The following GPHN variants were observed in gnomAD, a reference collection of about 807,000 sequenced individuals.
The protein encoded by GPHN is gephyrin.
In GPHN, 17 loss-of-function variants were observed where a neutral mutation model predicts 95.5. The ratio of observed to expected loss-of-function variants is 0.18; its 90% CI spans 0.12 to 0.27. GPHN has a LOEUF of 0.27. Ranked by LOEUF, GPHN falls within the 10% of genes least tolerant of loss-of-function variation. The pLI is 1.00. For synonymous variants in GPHN, 320 were observed against 322.5 expected (o/e 0.99, Z 0.08); for missense variants, 660 against 978.1 (o/e 0.67, Z 4.34).
At chr14:67,459,774 T>C in the GPHN span, among the ~76,000 whole-genome samples, 3 of 152,224 alleles carry the variant, frequency 2.0e-5, no homozygotes, top group African/African-American at 7.2e-5. Flanking sequence ...ACAACAATTA[T>C]ATCGTTGAAG....
At chr14:67,079,611 T>G (rs929389022) in intron 11 of GPHN, among the ~76,000 whole-genome samples, 1 of 152,104 alleles carries the variant, frequency 6.6e-6, no homozygotes, top group Non-Finnish European at 1.5e-5. Flanking sequence ...ATTCCTTTGT[T>G]GTGGTGGTAA....
chr14:67,658,533 C>A, the GPHN span, among the ~76,000 whole-genome samples: 6 of 152,094 alleles, frequency 3.9e-5, no homozygotes, highest in Non-Finnish European at 5.9e-5. Context: ...GGAGGTGGAG[C>A]TTGCAGTGAG....
the GPHN span, among the ~76,000 whole-genome samples, chr14:67,264,459 G>A: frequency 4.2e-5 from 6 of 144,012 alleles, no homozygotes; most frequent in Admixed American, 2.8e-4. Flanking sequence ...GACCCATGTT[G>A]TGTTATTTTT....
the GPHN span, among the ~76,000 whole-genome samples, chr14:67,504,067 G>A: frequency 3.4e-5 from 5 of 145,692 alleles, no homozygotes; most frequent in East Asian, 2.1e-4. Context: ...AGGCTGGAGT[G>A]CAGTCGTGCG....
chr14:67,014,102 CA>C (rs570691798), intron 9 of GPHN, among the ~76,000 whole-genome samples: 9 of 150,000 alleles, frequency 6.0e-5, no homozygotes, highest in Admixed American at 1.3e-4. Flanking sequence ...ACACGCAAAA[CA>C]AAAAAAAATC....
intron 3 of GPHN, among the ~76,000 whole-genome samples, chr14:66,779,642 T>C (rs1566936983): frequency 6.6e-6 from 1 of 152,042 alleles, no homozygotes; most frequent in Non-Finnish European, 1.5e-5. Flanking sequence ...ATCAGCAAAG[T>C]CTTTCCAAGA....
intron 3 of GPHN, among the ~76,000 whole-genome samples, chr14:66,778,515 T>C (rs1379444079): frequency 1.3e-5 from 2 of 152,080 alleles, no homozygotes; most frequent in African/African-American, 2.4e-5. Context: ...GTTGTTCTTT[T>C]TCAAAAGCAA....
intron 1 of GPHN, among the ~76,000 whole-genome samples, chr14:66,522,507 C>T (rs565301188): frequency 2.0e-5 from 3 of 152,160 alleles, no homozygotes; most frequent in African/African-American, 7.2e-5. Context: ...ATTGTGGAAC[C>T]TCTTAACCTG....
At chr14:66,804,722 G>C (rs2060480982) in intron 3 of GPHN, among the ~76,000 whole-genome samples, 1 of 151,956 alleles carries the variant, frequency 6.6e-6, no homozygotes. Context: ...CCTCCTCTTT[G>C]GAATTTTATT....
chr14:67,555,833 G>A, the GPHN span: 6 of 1,613,256 alleles, frequency 3.7e-6, no homozygotes, highest in South Asian at 3.3e-5. Context: ...AGATGCAGGA[G>A]CTGGAGCAGA....
At chr14:66,985,236 T>C (rs1005343108) in intron 9 of GPHN, among the ~76,000 whole-genome samples, 1 of 152,212 alleles carries the variant, frequency 6.6e-6, no homozygotes, top group African/African-American at 2.4e-5. Flanking sequence ...AGAATGATGC[T>C]TGTCAGGACT....
the GPHN span, among the ~76,000 whole-genome samples, chr14:67,528,419 G>A: frequency 6.6e-6 from 1 of 152,176 alleles, no homozygotes; most frequent in Non-Finnish European, 1.5e-5. Context: ...TGGGCTGTTG[G>A]AGAACCTGCC....
intron 3 of GPHN, among the ~76,000 whole-genome samples, chr14:66,795,317 C>T (rs2060117648): frequency 6.6e-6 from 1 of 152,078 alleles, no homozygotes; most frequent in Non-Finnish European, 1.5e-5. Flanking sequence ...TCATTTCACC[C>T]TTGTCATTAA....
chr14:66,642,720 T>C (rs555226251), intron 1 of GPHN, among the ~76,000 whole-genome samples: 2 of 152,230 alleles, frequency 1.3e-5, no homozygotes, highest in South Asian at 2.1e-4. Context: ...GGAACAGGTC[T>C]GCATATATGC....
the GPHN span, among the ~76,000 whole-genome samples, chr14:67,543,104 A>G: frequency 6.6e-6 from 1 of 152,220 alleles, no homozygotes; most frequent in Admixed American, 6.5e-5. Context: ...AAGTGAATCA[A>G]TCATTATATG....
the GPHN span, among the ~76,000 whole-genome samples, chr14:67,230,389 G>A: frequency 5.9e-5 from 9 of 152,130 alleles, no homozygotes; most frequent in African/African-American, 1.9e-4. Context: ...AGATCAGCCT[G>A]GGTAACAAAG....
the GPHN span, among the ~76,000 whole-genome samples, chr14:67,230,739 C>T: frequency 2.0e-5 from 3 of 152,102 alleles, no homozygotes; most frequent in Admixed American, 6.6e-5. Context: ...AACAAATTGT[C>T]GTATGGTCAT....
the GPHN span, chr14:67,340,533 A>T: frequency 6.2e-7 from 1 of 1,605,450 alleles, no homozygotes; most frequent in Non-Finnish European, 8.5e-7. Context: ...AATAAAAAAA[A>T]AAATAATATG....
chr14:67,559,215 A>G, the GPHN span, among the ~76,000 whole-genome samples: 4 of 152,304 alleles, frequency 2.6e-5, no homozygotes, highest in African/African-American at 7.2e-5. Flanking sequence ...TTTTTTAACT[A>G]TAAAGGTAAC....
Sources: allele counts gnomAD v4.1 joint callset (sites outside exome capture counted in the v4.1 genomes callset), GRCh38; gene constraint gnomAD v4.1.1; transcripts MANE v1.5; gene names NCBI Gene and HGNC (gene_info 2026-07-23, HGNC 2026-07-21).